The following CEP44 variants were observed in gnomAD, a reference collection of about 807,000 sequenced individuals.
CEP44 encodes centrosomal protein of 44 kDa.
In CEP44, 45 loss-of-function variants were observed where a neutral mutation model predicts 46.7. The ratio of observed to expected loss-of-function variants is 0.96; its 90% CI spans 0.76 to 1.24. The LOEUF (loss-of-function observed/expected upper bound fraction) is 1.24, where lower values mean the gene tolerates loss of function less well. CEP44 is among the 50% of genes most tolerant of loss of function. The pLI, the probability that CEP44 is intolerant of heterozygous loss-of-function variation, is 0.00. For missense variants in CEP44, 475 were observed against 459.7 expected (o/e 1.03, Z -0.30); for synonymous variants, 142 against 146.0 (o/e 0.97, Z 0.20).
chr4:174,332,173 G>A (rs1253162077), exon 9 of CEP44: 1 of 152,740 alleles, frequency 6.5e-6, no homozygotes, highest in Non-Finnish European at 1.5e-5. Flanking sequence ...AAAGTAGCAG[G>A]GAAAGAGCTG....
At chr4:174,323,798 T>C (rs1158291601), downstream of CEP44, among the ~76,000 whole-genome samples, 1 of 152,078 alleles carries the variant, frequency 6.6e-6, no homozygotes, top group African/African-American at 2.4e-5. Context: ...GGGCACTCAT[T>C]GGGCATTCAT....
chr4:174,284,093 C>T, intron 1 of CEP44, 150 bp downstream of exon 1: 1 of 399,138 alleles, frequency 2.5e-6, no homozygotes, highest in Non-Finnish European at 4.4e-6. Context: ...TTTCCTCTCC[C>T]TGTCGTGCTG....
chr4:174,294,416 A>G (rs1738605550), intron 1 of CEP44, among the ~76,000 whole-genome samples: 1 of 151,956 alleles, frequency 6.6e-6, no homozygotes, highest in African/African-American at 2.4e-5. Flanking sequence ...AGTACAGAAC[A>G]AAATGAAAAG....
At position 174,311,574 on chromosome 4, in the gene CEP44, C is replaced by T. The variant is rs1170441905; in HGVS notation, c.961+716C>T. 6.6e-6 allele frequency among the ~76,000 whole-genome samples: 1 copy of T among 152,114 alleles called. No individual in the cohort carries two copies. Among genetic ancestry groups the T allele is most frequent in the East Asian group, 1.9e-4 (1 of 5,200 alleles). Reference sequence around the variant, plus strand: ...AACGTTATAAAATCTTTCAGCTCTACTATATGTGTAACAATAAAATAATAT... The same window carrying T: ...AACGTTATAAAATCTTTCAGCTCTATTATATGTGTAACAATAAAATAATAT... On this transcript the variant is annotated intron_variant, in intron 9 of 11. Coordinates refer to ENST00000503780, the MANE Select transcript of CEP44 (RefSeq NM_001040157.3). The surrounding 1 kb of genome is among the most constrained non-coding windows in gnomAD (Gnocchi z 4.4).
chr4:174,314,862 T>G lies in CEP44; in HGVS notation c.962-1304T>G, dbSNP rs1429209367. On this transcript the variant is annotated intron_variant, in intron 9 of 11. Coordinates refer to ENST00000503780, the MANE Select transcript of CEP44 (RefSeq NM_001040157.3). The surrounding 1 kb of genome is among the most constrained non-coding windows in gnomAD (Gnocchi z 4.1). ...GACCTCCAGGCTTAGCTAATTGGATTAAGAGTAGACACCTGACCCAGAGAA... is the reference window on the plus strand; with the variant it reads ...GACCTCCAGGCTTAGCTAATTGGATGAAGAGTAGACACCTGACCCAGAGAA... Among the ~76,000 whole-genome samples, 1 of 152,222 alleles carries G rather than the reference T, an allele frequency of 6.6e-6. No homozygotes were observed. Among genetic ancestry groups the G allele is most frequent in the Non-Finnish European group, 1.5e-5 (1 of 68,034 alleles).
At chr4:174,296,655 A>G (rs1452345149) in intron 1 of CEP44, among the ~76,000 whole-genome samples, 5 of 151,634 alleles carry the variant, frequency 3.3e-5, no homozygotes, top group African/African-American at 1.2e-4. Flanking sequence ...ATCTTGGTGG[A>G]TGTTCCATGT....
chr4:174,313,039 C>T (rs934579671), intron 9 of CEP44, among the ~76,000 whole-genome samples: 1 of 152,024 alleles, frequency 6.6e-6, no homozygotes, highest in Non-Finnish European at 1.5e-5. Flanking sequence ...GCTACGGGTG[C>T]TGTCAGGGAG....
At position 174,303,877 on chromosome 4, in the gene CEP44, G is replaced by GATGT. The variant is rs776645821; in HGVS notation, c.384+32_384+35dup. The stretch of plus-strand genomic sequence containing the variant: ...AATTTTATGAATAGATATTAATGCT[G>GATGT]ATGTATGCTATTAATAGATGGCTCA... On this transcript the variant is annotated intron_variant, in intron 5 of 11. Transcript: ENST00000503780. 1.2e-5 allele frequency: 17 copies of GATGT among 1,421,946 alleles called. No homozygotes were observed. In the South Asian group the frequency reaches 2.0e-4, roughly 17 times the overall value. 88.1% of individuals were successfully genotyped at this position (1,421,946 alleles called of 1,614,324 possible).
upstream of CEP44, chr4:174,283,864 G>A: frequency 2.5e-6 from 1 of 398,978 alleles, no homozygotes; most frequent in Non-Finnish European, 4.4e-6. This position sits in a 1 kb window ranked among gnomAD's most constrained non-coding sequence, Gnocchi z 6.7. Flanking sequence ...CTCTTCACAG[G>A]AGTCTTGAAC....
At chr4:174,304,687 C>T (rs1740179503) in intron 6 of CEP44, among the ~76,000 whole-genome samples, 1 of 152,186 alleles carries the variant, frequency 6.6e-6, no homozygotes, top group South Asian at 2.1e-4. Context: ...GTGTTCTGGT[C>T]TTCCTAAAAC....
In CEP44 at chr4:174,303,820, A is replaced by C. The variant is rs75428449; in HGVS notation, c.355A>C (p.Lys119Gln). 900 of 1,571,990 alleles carry C rather than the reference A, an allele frequency of 5.7e-4. 2 individuals carry two copies. The African/African-American group carries it at 7.4e-3, about 13-fold the overall frequency. Residue 119 changes from lysine (K) to glutamine (Q), a missense_variant, in exon 5 of 12, where the codon AAG (lysine) becomes CAG (glutamine). Physicochemically the swap from Lys to Gln is moderately conservative, Grantham distance 53 (BLOSUM62 1). Transcript: ENST00000503780. ...VCDILNCVMK[K>Q]HKELSSLQKI... is the part of the protein sequence containing the mutation. ...TGATATTTTGAATTGTGTGATGAAA[A>C]AGCACAAGGAATTAAGCAGTCTTCA...
At position 174,290,694 on chromosome 4, in the gene CEP44, T is replaced by A. The variant is rs1173580781; in HGVS notation, c.-148+6751T>A. ...ATTTCTTCCTCCAATTCTATCAATA[T>A]TTGCTGTTGGCATTCTGTCTGGATG... On this transcript the variant is annotated intron_variant, in intron 1 of 11. Transcript: ENST00000503780. This position sits in a 1 kb window ranked among gnomAD's most constrained non-coding sequence, Gnocchi z 4.3. Among the ~76,000 whole-genome samples, 1 of 152,226 alleles carries A rather than the reference T, an allele frequency of 6.6e-6. No homozygotes were observed. The highest frequency in any genetic ancestry group is 1.5e-5 in the Non-Finnish European group (1 of 68,030).
At chr4:174,330,689 A>G (rs909595066) in intron 8 of CEP44, among the ~76,000 whole-genome samples, 7 of 126,056 alleles carry the variant, frequency 5.6e-5, no homozygotes, top group Non-Finnish European at 8.5e-5. Flanking sequence ...TTATTATAGC[A>G]TGTGTTTTTT....
intron 4 of CEP44, among the ~76,000 whole-genome samples, chr4:174,302,753 T>C (rs1478005686): frequency 6.6e-6 from 1 of 152,012 alleles, no homozygotes; most frequent in East Asian, 1.9e-4. Context: ...TAGTTTTTAA[T>C]GGTAAAAACC....
At chr4:174,320,704 A>G (rs62335803), downstream of CEP44, among the ~76,000 whole-genome samples, 81 of 125,284 alleles carry the variant, frequency 6.5e-4, no homozygotes, top group African/African-American at 1.4e-3. Flanking sequence ...GTGTGTGTGT[A>G]TGTGTGTGTG....
intron 1 of CEP44, among the ~76,000 whole-genome samples, chr4:174,296,035 A>C (rs908824173): frequency 4.6e-5 from 7 of 152,206 alleles, no homozygotes; most frequent in Non-Finnish European, 1.0e-4. Context: ...CCTAGAGTAA[A>C]TCTGCTGGGT....
Position 174,298,065 on chromosome 4 carries a change from TG to T in CEP44, c.-51+5del, listed in dbSNP as rs1212970378. ...TTGGCTGGTCTGTGCTCTGCTAGGT[TG>T]GTTATCCCTTATTCATTTGCTTTTC... On this transcript the variant is annotated splice_donor_region_variant and intron_variant, in intron 2 of 11. Coordinates refer to ENST00000503780, the MANE Select transcript of CEP44 (RefSeq NM_001040157.3). 6.6e-6 allele frequency: 1 copy of T among 152,242 alleles called. No individual in the cohort carries two copies. Among genetic ancestry groups the T allele is most frequent in the African/African-American group, 2.4e-5 (1 of 41,460 alleles). The allele number at this position is 152,242 out of a possible 1,614,324, so 9.4% of individuals were successfully genotyped here.
chr4:174,316,953 G>GTT (rs1397972650), intron 11 of CEP44, among the ~76,000 whole-genome samples: 2 of 151,762 alleles, frequency 1.3e-5, no homozygotes, highest in African/African-American at 4.8e-5. Context: ...TATCACTGGT[G>GTT]TTTTTCGGCA....
At chr4:174,294,466 A>G (rs1339591784) in intron 1 of CEP44, among the ~76,000 whole-genome samples, 2 of 151,620 alleles carry the variant, frequency 1.3e-5, no homozygotes, top group Non-Finnish European at 2.9e-5. Flanking sequence ...CATGGCAACC[A>G]TCCGATTTCT....
Sources: allele counts gnomAD v4.1 joint callset (sites outside exome capture counted in the v4.1 genomes callset), GRCh38; gene constraint gnomAD v4.1.1; non-coding constraint Gnocchi (gnomAD v3.1); transcripts MANE v1.5; gene names NCBI Gene and HGNC (gene_info 2026-07-23, HGNC 2026-07-21).